The following FAM118B variants were observed in gnomAD, a reference collection of about 807,000 sequenced individuals.
The protein encoded by FAM118B is SIR2 antiphage like 1, also known as protein FAM118B.
Under a neutral mutation model 38.5 loss-of-function variants are expected in FAM118B, and 24 were observed. The ratio of observed to expected loss-of-function variants is 0.62; its 90% CI spans 0.45 to 0.88. FAM118B has a LOEUF of 0.88. FAM118B is among the 40% of genes least tolerant of loss of function. FAM118B has a pLI of 0.00. For synonymous variants in FAM118B, 138 were observed against 156.3 expected, an observed-to-expected ratio of 0.88 and a Z score of 0.87; for missense variants, 334 against 420.0, an observed-to-expected ratio of 0.80 and a Z score of 1.79.
rs1950491457 is a variant in FAM118B, at chr11:126,250,676, G to T, written c.510G>T (p.Leu170=). ...LTTNFDNLLE[L]YAADQGKQLE... Reference sequence around the variant, plus strand: ...CAAATTTTGATAATCTCTTGGAACTGTATGCAGCAGATCAGGGGAAACAGC... The same window carrying T: ...CAAATTTTGATAATCTCTTGGAACTTTATGCAGCAGATCAGGGGAAACAGC... Residue 170 remains leucine (L), a synonymous_variant, in exon 5 of 9, where the codon CTG becomes CTT. Transcript: ENST00000533050. This position sits in a 1 kb window ranked among gnomAD's most constrained non-coding sequence, Gnocchi z 5.1. 6 of 1,614,012 alleles carry T rather than the reference G, an allele frequency of 3.7e-6. No individual in the cohort carries two copies. The highest frequency in any genetic ancestry group is 5.1e-6 in the Non-Finnish European group (6 of 1,180,022).
Position 126,254,375 on chromosome 11 carries a change from G to C in FAM118B, c.638G>C (p.Ser213Thr). 6.2e-7 allele frequency: 1 copy of C among 1,614,234 alleles called. No individual in the cohort carries two copies. Among genetic ancestry groups the C allele is most frequent in the Non-Finnish European group, 8.5e-7 (1 of 1,180,044 alleles). ...ATTCACGGAGTCTACACCAACCCTA[G>C]TGGCATTGTCCTTCATCCGGCTGGA... ...LHIHGVYTNP[S>T]GIVLHPAGYQ... Residue 213 changes from serine to threonine, a missense_variant, in exon 6 of 9, where the codon AGT becomes ACT. This residue lies in a region of FAM118B where 240 missense variants were observed against 295.9 expected (regional missense o/e 0.81). Coordinates refer to ENST00000533050, the MANE Select transcript of FAM118B (RefSeq NM_024556.4).
intron 1 of FAM118B, among the ~76,000 whole-genome samples, chr11:126,213,051 C>T (rs569669272): frequency 2.6e-5 from 4 of 152,184 alleles, no homozygotes; most frequent in Middle Eastern, 3.4e-3. Flanking sequence ...ACTGTAACTC[C>T]TTTGAGTTTG....
intron 7 of FAM118B, among the ~76,000 whole-genome samples, chr11:126,257,605 A>ATTTTTTTTT (rs5795488): frequency 7.1e-6 from 1 of 140,964 alleles, no homozygotes; most frequent in Non-Finnish European, 1.5e-5. Flanking sequence ...AGAATTGTAC[A>ATTTTTTTTT]TTTTTTTTTT....
intron 1 of FAM118B, among the ~76,000 whole-genome samples, chr11:126,219,349 C>CTTCTTTTT (rs1950028762): frequency 2.3e-5 from 1 of 44,414 alleles, no homozygotes; most frequent in Non-Finnish European, 3.9e-5. Context: ...TCTTGTTTAT[C>CTTCTTTTT]TTTTTTTTTT....
intron 4 of FAM118B, among the ~76,000 whole-genome samples, chr11:126,248,257 G>A (rs949584173): frequency 6.7e-6 from 1 of 149,440 alleles, no homozygotes; most frequent in African/African-American, 2.5e-5. Context: ...GTGACTGCTA[G>A]ATCATAGGGC....
At chr11:126,240,668 C>T in intron 3 of FAM118B, 124 bp from the exon 4 acceptor site, 2 of 969,416 alleles carry the variant, frequency 2.1e-6, no homozygotes, top group East Asian at 4.9e-5. Context: ...GTGTCAAAAA[C>T]TGCTGTTCAT....
At position 126,244,310 on chromosome 11, in the gene FAM118B, G is replaced by A. The variant is rs1950394926; in HGVS notation, c.339+3266G>A. Among the ~76,000 whole-genome samples the A allele has an allele frequency of 6.6e-6, 1 of 152,190 alleles. No homozygotes were observed. Among genetic ancestry groups the A allele is most frequent in the Non-Finnish European group, 1.5e-5 (1 of 68,042 alleles). On this transcript the variant is annotated intron_variant, in intron 4 of 8. Transcript: ENST00000533050. The surrounding 1 kb of genome is among the most constrained non-coding windows in gnomAD (Gnocchi z 4.5). ...AAGAAGTAAACTGCCTCTGTTTGCA[G>A]ATGTGATGATCTAGTCTATAGAAGA...
chr11:126,234,932 T>C (rs1358539071), intron 2 of FAM118B, 63 bp from the exon 3 acceptor site: 1 of 1,307,028 alleles, frequency 7.7e-7, no homozygotes, highest in African/African-American at 1.5e-5. Context: ...TTAATATATG[T>C]GCTATTTTGA....
chr11:126,223,139 C>T (rs559657490), intron 1 of FAM118B, among the ~76,000 whole-genome samples: 2 of 151,938 alleles, frequency 1.3e-5, no homozygotes, highest in South Asian at 2.1e-4. Context: ...GAGGCCTGTG[C>T]GCCTCAAGAG....
intron 2 of FAM118B, among the ~76,000 whole-genome samples, chr11:126,231,983 G>A (rs2135150654): frequency 6.6e-6 from 1 of 152,258 alleles, no homozygotes; most frequent in East Asian, 1.9e-4. Flanking sequence ...GGATTACTTG[G>A]CATTACTTCA....
chr11:126,248,392 T>C (rs112156864), intron 4 of FAM118B, among the ~76,000 whole-genome samples: 1 of 109,476 alleles, frequency 9.1e-6, no homozygotes, highest in Non-Finnish European at 1.8e-5. Flanking sequence ...TTTTTTGAGA[T>C]GGAGTTTCGC....
chr11:126,262,299 C>A lies in FAM118B; in HGVS notation c.*166C>A. 29 of 549,942 alleles carry A rather than the reference C, an allele frequency of 5.3e-5. No individual in the cohort carries two copies. Among genetic ancestry groups the A allele is most frequent in the Non-Finnish European group, 6.8e-5 (21 of 309,504 alleles). 34.1% of individuals were successfully genotyped at this position (549,942 alleles called of 1,614,324 possible). ...GGGGGAATGTTGCAGCGTAATCCTT[C>A]ATACCACCTGGTTCTTGATATTCTG... On this transcript the variant is annotated 3_prime_UTR_variant, in exon 9 of 9. Transcript: ENST00000533050.
At chr11:126,228,102 A>T (rs1205250158) in intron 1 of FAM118B, among the ~76,000 whole-genome samples, 1 of 151,688 alleles carries the variant, frequency 6.6e-6, no homozygotes, top group African/African-American at 2.4e-5. Flanking sequence ...CCAGCCAAAA[A>T]ACTTGTTTTT....
Position 126,229,588 on chromosome 11 carries a change from G to C in FAM118B, c.-8+295G>C, listed in dbSNP as rs7115751. ...CTCCCGAGTAGCTGGGATTACAGGCGCCCACCACCGCACCCGGCTAAATTT... is the reference window on the plus strand; with the variant it reads ...CTCCCGAGTAGCTGGGATTACAGGCCCCCACCACCGCACCCGGCTAAATTT... On this transcript the variant is annotated intron_variant, in intron 2 of 8. Transcript: ENST00000533050. 2.6e-5 allele frequency among the ~76,000 whole-genome samples: 4 copies of C among 152,082 alleles called. No individual in the cohort carries two copies. The South Asian group carries it at 8.3e-4, about 32-fold the overall frequency.
At chr11:126,222,278 TG>T (rs1950073811) in intron 1 of FAM118B, among the ~76,000 whole-genome samples, 1 of 152,218 alleles carries the variant, frequency 6.6e-6, no homozygotes, top group South Asian at 2.1e-4. Flanking sequence ...ATGTAGTGTT[TG>T]GTGGAGGAGA....
intron 1 of FAM118B, among the ~76,000 whole-genome samples, chr11:126,222,733 C>T (rs917578990): frequency 2.0e-5 from 3 of 152,088 alleles, no homozygotes; most frequent in Non-Finnish European, 4.4e-5. Flanking sequence ...TCAATTGATC[C>T]CTTAGACTTT....
chr11:126,213,131 ATTT>A (rs35458545), intron 1 of FAM118B, among the ~76,000 whole-genome samples: 1 of 149,430 alleles, frequency 6.7e-6, no homozygotes, highest in South Asian at 2.1e-4. Flanking sequence ...CCCTGGAAGA[ATTT>A]TTTTTTTTAA....
rs1950475861 is a variant in FAM118B, at chr11:126,250,004, C to T, written c.340-502C>T. ...GCTTACGTATAGTAGCACTTGCTATCTGCTAAGCATTGTGCTAAGCACTTG... is the reference window on the plus strand; with the variant it reads ...GCTTACGTATAGTAGCACTTGCTATTTGCTAAGCATTGTGCTAAGCACTTG... On this transcript the variant is annotated intron_variant, in intron 4 of 8. Transcript: ENST00000533050. This position sits in a 1 kb window ranked among gnomAD's most constrained non-coding sequence, Gnocchi z 5.1. Among the ~76,000 whole-genome samples, 1 of 151,916 alleles carries T rather than the reference C, an allele frequency of 6.6e-6. No homozygotes were observed. Among genetic ancestry groups the T allele is most frequent in the African/African-American group, 2.4e-5 (1 of 41,356 alleles).
intron 4 of FAM118B, among the ~76,000 whole-genome samples, chr11:126,245,636 A>G (rs573952910): frequency 3.3e-5 from 5 of 151,344 alleles, no homozygotes; most frequent in South Asian, 2.1e-4. Flanking sequence ...CGAGGCTGCA[A>G]TCAGCTATGA....
Sources: gnomAD v4.1 joint callset for allele counts (sites outside exome capture counted in the v4.1 genomes callset) on GRCh38, gnomAD v4.1.1 for gene constraint, gnomAD v4.1.1 regional missense constraint, Gnocchi (gnomAD v3.1) non-coding constraint, MANE v1.5 for transcripts, NCBI Gene and HGNC (gene_info 2026-07-23, HGNC 2026-07-21) for gene names.